Variants in COL4A6 observed in about 807,000 individuals in gnomAD.
The protein encoded by COL4A6 is collagen alpha-6(IV) chain.
In COL4A6, 59 loss-of-function variants were observed where a neutral mutation model predicts 126.7. The observed-to-expected ratio is 0.47, with a 90% CI of 0.38 to 0.58. The LOEUF (loss-of-function observed/expected upper bound fraction) is 0.58. Among genes scored for constraint, COL4A6 ranks in the 20% least tolerant of loss-of-function variants. COL4A6 has a pLI of 0.00. For synonymous variants in COL4A6, 547 were observed against 496.6 expected (o/e 1.10, Z -1.35); for missense variants, 1,285 against 1,337.3 (o/e 0.96, Z 0.61).
chrX:108,391,328 G>A lies in COL4A6; in HGVS notation c.63+46614C>T, dbSNP rs780844295. Reference sequence around the variant, plus strand: ...CTTCCCCCAGGTGCTCTGTCCCAGGGAGATGGGGGTTTTATCTATAAGTCC... The same window carrying A: ...CTTCCCCCAGGTGCTCTGTCCCAGGAAGATGGGGGTTTTATCTATAAGTCC... On this transcript the variant is annotated intron_variant, in intron 2 of 44. Transcript: ENST00000334504. Among the ~76,000 whole-genome samples the A allele has an allele frequency of 4.4e-3, 488 of 111,866 alleles. 1 individual carries two copies. Among genetic ancestry groups the A allele is most frequent in the Non-Finnish European group, 7.7e-3 (411 of 53,107 alleles).
At chrX:108,344,850 G>C (rs909738020) in intron 2 of COL4A6, among the ~76,000 whole-genome samples, 2 of 111,658 alleles carry the variant, frequency 1.8e-5, no homozygotes, top group African/African-American at 3.3e-5. Context: ...AAAGAATCCA[G>C]ATATAAATTC....
Position 108,396,303 on chromosome X carries a change from C to T in COL4A6, c.63+41639G>A, listed in dbSNP as rs1485999618. Among the ~76,000 whole-genome samples the T allele has an allele frequency of 2.7e-5, 3 of 110,733 alleles. No individual in the cohort carries two copies. In the East Asian group the frequency reaches 8.5e-4, roughly 31 times the overall value. On this transcript the variant is annotated intron_variant, in intron 2 of 44. Coordinates refer to ENST00000334504, the MANE Select transcript of COL4A6 (RefSeq NM_033641.4). Reference sequence around the variant, plus strand: ...AGGTCAGAAACTCCGTATCCCCCACCTCCACTCCTCCTCCTACTCTTTCCA... The same window carrying T: ...AGGTCAGAAACTCCGTATCCCCCACTTCCACTCCTCCTCCTACTCTTTCCA...
At chrX:108,355,415 T>C (rs2039938647) in intron 2 of COL4A6, among the ~76,000 whole-genome samples, 1 of 112,415 alleles carries the variant, frequency 8.9e-6, no homozygotes, top group Non-Finnish European at 1.9e-5. Flanking sequence ...GTTCAGAAAA[T>C]GGAATCACAG....
At chrX:108,206,377 A>T in intron 9 of COL4A6, 141 bp downstream of exon 9, 1 of 609,987 alleles carries the variant, frequency 1.6e-6, no homozygotes, top group Non-Finnish European at 2.9e-6. Context: ...AGCATGCTTT[A>T]CTTTAACCCT....
intron 2 of COL4A6, among the ~76,000 whole-genome samples, chrX:108,397,166 A>C (rs919203817): frequency 1.8e-5 from 2 of 111,679 alleles, no homozygotes; most frequent in African/African-American, 6.5e-5. Context: ...TCCATTATAA[A>C]TAAGCATATA....
chrX:108,184,646 G>A (rs755817530), intron 23 of COL4A6, among the ~76,000 whole-genome samples: 2 of 112,360 alleles, frequency 1.8e-5, no homozygotes, highest in Admixed American at 1.9e-4. Context: ...TCAGAATCAT[G>A]AGCTAAATAA....
chrX:108,375,157 G>C (rs1488869985), intron 2 of COL4A6, among the ~76,000 whole-genome samples: 2 of 111,138 alleles, frequency 1.8e-5, no homozygotes, highest in Non-Finnish European at 3.8e-5. Context: ...TAGGTTGAAG[G>C]GGAAGAGCAT....
At chrX:108,424,246 T>A (rs1317650030) in intron 2 of COL4A6, among the ~76,000 whole-genome samples, 1 of 111,702 alleles carries the variant, frequency 9.0e-6, no homozygotes. Flanking sequence ...CCTCAAAGAT[T>A]CTGTATGGGG....
intron 2 of COL4A6, among the ~76,000 whole-genome samples, chrX:108,328,318 G>A (rs1321695094): frequency 6.5e-5 from 7 of 108,419 alleles, no homozygotes; most frequent in African/African-American, 2.4e-4. Flanking sequence ...AATGATGGAA[G>A]AATAAAACAC....
intron 3 of COL4A6, among the ~76,000 whole-genome samples, chrX:108,293,856 G>A (rs1051776046): frequency 8.9e-6 from 1 of 112,246 alleles, no homozygotes; most frequent in Non-Finnish European, 1.9e-5. Flanking sequence ...GAATTTGCAG[G>A]AGCTATTTAA....
At chrX:108,432,748 A>G (rs1389022852) in intron 2 of COL4A6, among the ~76,000 whole-genome samples, 1 of 111,671 alleles carries the variant, frequency 9.0e-6, no homozygotes, top group East Asian at 2.8e-4. Context: ...AGGCAGGAGA[A>G]TCACTTGAAC....
intron 11 of COL4A6, among the ~76,000 whole-genome samples, chrX:108,204,977 GAGAT>G (rs769727702): frequency 4.6e-5 from 5 of 108,707 alleles, no homozygotes; most frequent in Non-Finnish European, 9.6e-5. Flanking sequence ...TTAAAGAAGA[GAGAT>G]AGAGGAGAGA....
intron 2 of COL4A6, among the ~76,000 whole-genome samples, chrX:108,399,755 T>C (rs772261608): frequency 1.8e-5 from 2 of 111,888 alleles, no homozygotes; most frequent in South Asian, 7.4e-4. Flanking sequence ...AAAGGGACTA[T>C]AGAAAAGCCC....
chrX:108,367,157 T>G (rs2040217636), intron 2 of COL4A6, among the ~76,000 whole-genome samples: 1 of 112,190 alleles, frequency 8.9e-6, no homozygotes, highest in Non-Finnish European at 1.9e-5. Context: ...TGTGTTTATT[T>G]CATTACTAAT....
chrX:108,351,874 G>A (rs1200472909), intron 2 of COL4A6, among the ~76,000 whole-genome samples: 1 of 111,966 alleles, frequency 8.9e-6, no homozygotes, highest in African/African-American at 3.2e-5. Flanking sequence ...CCCACACAGA[G>A]GCAAGATAGT....
Position 108,191,553 on chromosome X carries a change from C to A in COL4A6, c.1181-20G>T, listed in dbSNP as rs1467225433. ...GGACACCTGGAAGAATAAGCCCACA[C>A]ACAAATGCTCATTATATCACCTTAC... On this transcript the variant is annotated intron_variant, in intron 18 of 44. Transcript: ENST00000334504. 10 of 1,197,138 alleles carry A rather than the reference C, an allele frequency of 8.4e-6. No individual in the cohort carries two copies. The highest frequency in any genetic ancestry group is 1.1e-5 in the Non-Finnish European group (10 of 888,868).
chrX:108,271,299 A>G (rs1169288130), intron 3 of COL4A6, among the ~76,000 whole-genome samples: 2 of 111,066 alleles, frequency 1.8e-5, no homozygotes, highest in Non-Finnish European at 3.8e-5. Context: ...GTGGTACAAG[A>G]CTCCCCCAAG....
Position 108,175,170 on chromosome X carries a change from C to T in COL4A6, c.2876G>A (p.Arg959His), listed in dbSNP as rs776138297. The T allele has an allele frequency of 3.6e-5, 43 of 1,200,715 alleles. No individual in the cohort carries two copies. The East Asian group carries it at 4.5e-4, about 13-fold the overall frequency. ...TTTGAGCCAAAGGTTTGACATTGGA[C>T]GTCTTGGACTAGGTATTCCGACTGG... is the stretch of plus-strand genomic sequence containing the variant. ...PGPVGIPSPR[R>H]PMSNLWLKGD... The change falls in exon 30 of 45, where the codon CGT becomes CAT. Residue 959 changes from arginine (R) to histidine (H), a missense_variant. Coordinates refer to ENST00000334504, the MANE Select transcript of COL4A6 (RefSeq NM_033641.4).
chrX:108,354,327 A>C (rs73526995), intron 2 of COL4A6, among the ~76,000 whole-genome samples: 7,393 of 111,359 alleles, frequency 0.066, 557 homozygotes, highest in African/African-American at 0.21. Context: ...TACTAAGATA[A>C]ATTATAACTA....
Sources: allele counts gnomAD v4.1 joint callset (sites outside exome capture counted in the v4.1 genomes callset), GRCh38; gene constraint gnomAD v4.1.1; transcripts MANE v1.5; gene names NCBI Gene and HGNC (gene_info 2026-07-23, HGNC 2026-07-21).